TSPEAR: variants seen among roughly 807,000 people sequenced by gnomAD.
TSPEAR encodes thrombospondin type laminin G domain and EAR repeats.
A neutral mutation model predicts 71.6 loss-of-function variants in TSPEAR; 69 were observed. The ratio of observed to expected loss-of-function variants is 0.96; its 90% CI spans 0.79 to 1.18. The LOEUF (loss-of-function observed/expected upper bound fraction) is 1.18. TSPEAR is among the 50% of genes most tolerant of loss of function. The pLI is 0.00. For synonymous variants in TSPEAR, 402 were observed against 387.2 expected (o/e 1.04, Z -0.45); for missense variants, 971 against 894.9 (o/e 1.09, Z -1.09).
At chr21:44,657,321 C>A (rs948421311) in intron 1 of TSPEAR, among the ~76,000 whole-genome samples, 27 of 152,172 alleles carry the variant, frequency 1.8e-4, no homozygotes, top group African/African-American at 6.3e-4. Flanking sequence ...CAAATAACTT[C>A]TTGTATAGAT....
In TSPEAR at chr21:44,593,658, C is replaced by T. The variant is rs1032265098; in HGVS notation, c.83-25653G>A. The stretch of plus-strand genomic sequence containing the variant: ...CCAGCACTAAAGTTAAAATAGAGAC[C>T]GTAAGACCCACAGAGCAGACTCTGG... On this transcript the variant is annotated intron_variant, in intron 1 of 11. Coordinates refer to ENST00000323084, the MANE Select transcript of TSPEAR (RefSeq NM_144991.3). This position sits in a 1 kb window ranked among gnomAD's most constrained non-coding sequence, Gnocchi z 5.9. Among the ~76,000 whole-genome samples, 8 of 152,168 alleles carry T rather than the reference C, an allele frequency of 5.3e-5. No homozygotes were observed. In the South Asian group the frequency reaches 1.0e-3, roughly 20 times the overall value.
Position 44,675,893 on chromosome 21 carries a change from C to A in TSPEAR, c.82+35540G>T, listed in dbSNP as rs1453774196. 4 of 738,342 alleles carry A rather than the reference C, an allele frequency of 5.4e-6. No individual in the cohort carries two copies. In the East Asian group the frequency reaches 9.8e-5, roughly 18 times the overall value. The allele number at this position is 738,342 out of a possible 1,614,324, so 45.7% of individuals were successfully genotyped here. A position where few individuals can be genotyped will look rare whatever the true frequency, so the allele number is the denominator to read the frequency against. ...TTACTCTGGCTGTACTTGAGTGGTT[C>A]TTGTGCCTACGGCGCTGGCATATGC... On this transcript the variant is annotated intron_variant, in intron 1 of 11. Coordinates refer to ENST00000323084, the MANE Select transcript of TSPEAR (RefSeq NM_144991.3).
At chr21:44,585,916 G>T (rs1246671660) in intron 1 of TSPEAR, among the ~76,000 whole-genome samples, 1 of 152,222 alleles carries the variant, frequency 6.6e-6, no homozygotes, top group Non-Finnish European at 1.5e-5. Context: ...TTGCTGAAAG[G>T]TTCTCTGCAT....
At chr21:44,630,005 C>T (rs1983166294) in intron 1 of TSPEAR, among the ~76,000 whole-genome samples, 1 of 152,118 alleles carries the variant, frequency 6.6e-6, no homozygotes, top group African/African-American at 2.4e-5. Context: ...CTTGCACAGG[C>T]TTCCTGAGTG....
rs1383313364 is a variant in TSPEAR at position 44,506,639 on chromosome 21, C to T, written c.1755-1758G>A. Among the ~76,000 whole-genome samples, 5 of 152,222 alleles carry T rather than the reference C, an allele frequency of 3.3e-5. No individual in the cohort carries two copies. Among genetic ancestry groups the T allele is most frequent in the African/African-American group, 1.2e-4 (5 of 41,456 alleles). Reference sequence around the variant, plus strand: ...TTAATGGTGGGTTATGATTTGGTTCCCATGCAGCCCGTGCCAGCTCGCTGG... The same window carrying T: ...TTAATGGTGGGTTATGATTTGGTTCTCATGCAGCCCGTGCCAGCTCGCTGG... On this transcript the variant is annotated intron_variant, in intron 10 of 11. Transcript: ENST00000323084. This position sits in a 1 kb window ranked among gnomAD's most constrained non-coding sequence, Gnocchi z 4.2.
chr21:44,638,470 G>A (rs1031097203), intron 1 of TSPEAR: 4 of 381,000 alleles, frequency 1.0e-5, no homozygotes, highest in Non-Finnish European at 2.0e-5. Context: ...TGTCCTGTCT[G>A]TGGACCCCCG....
chr21:44,647,292 C>A (rs782493673), intron 1 of TSPEAR: 3 of 1,612,096 alleles, frequency 1.9e-6, no homozygotes, highest in Non-Finnish European at 2.5e-6. Context: ...CCCTCCTCTG[C>A]CGCCCCGCAA....
At chr21:44,545,965 T>C (rs1289791896) in intron 2 of TSPEAR, among the ~76,000 whole-genome samples, 2 of 152,132 alleles carry the variant, frequency 1.3e-5, no homozygotes, top group Non-Finnish European at 2.9e-5. Flanking sequence ...AACCCCAAAG[T>C]TGGTTCTTTA....
At position 44,499,911 on chromosome 21, in the gene TSPEAR, C is replaced by T. The variant is rs1247913795; in HGVS notation, c.1882G>A (p.Ala628Thr). 33 of 1,607,972 alleles carry T rather than the reference C, an allele frequency of 2.1e-5. No individual in the cohort carries two copies. The highest frequency in any genetic ancestry group is 2.7e-5 in the Non-Finnish European group (32 of 1,178,280). Reference sequence around the variant, plus strand: ...CCGACGGTGGGGAGGCTGTGCACCGCCACGAAGCCCTCGTAGCCCTGCCAC... The same window carrying T: ...CCGACGGTGGGGAGGCTGTGCACCGTCACGAAGCCCTCGTAGCCCTGCCAC... ...YRWQGYEGFV[A>T]VHSLPTVGCR... is the part of the protein sequence containing the mutation. The change falls in exon 12 of 12, where the codon GCG (alanine) becomes ACG (threonine). Residue 628 changes from alanine (A) to threonine (T), a missense_variant. Physicochemically the swap from Ala to Thr is moderately conservative, Grantham distance 58. Transcript: ENST00000323084.
chr21:44,592,511 G>A (rs375852142), intron 1 of TSPEAR: 150 of 1,588,844 alleles, frequency 9.4e-5, no homozygotes, highest in Non-Finnish European at 1.2e-4. Flanking sequence ...TGGAGGGTGA[G>A]GGAGTGAGCC....
intron 1 of TSPEAR, among the ~76,000 whole-genome samples, chr21:44,590,721 T>C (rs114521859): frequency 6.6e-6 from 1 of 152,034 alleles, no homozygotes; most frequent in Non-Finnish European, 1.5e-5. Context: ...GCTACCCCAG[T>C]CCTGGGGGGC....
At chr21:44,524,860 T>C (rs1392045028) in intron 8 of TSPEAR, among the ~76,000 whole-genome samples, 4 of 150,520 alleles carry the variant, frequency 2.7e-5, no homozygotes, top group Admixed American at 6.6e-5. Context: ...AGTCAGCCAA[T>C]AGCCAGTCAG....
At chr21:44,680,456 T>C (rs1458392162) in intron 1 of TSPEAR, among the ~76,000 whole-genome samples, 1 of 152,182 alleles carries the variant, frequency 6.6e-6, no homozygotes, top group African/African-American at 2.4e-5. Flanking sequence ...AAGTGTAAAT[T>C]AGTACAGCCA....
chr21:44,514,479 ACATGGTGGCTG>A (rs1372319798), intron 9 of TSPEAR, among the ~76,000 whole-genome samples: 1 of 152,192 alleles, frequency 6.6e-6, no homozygotes, highest in Admixed American at 6.5e-5. Context: ...GTCCTTACTA[ACATGGTGGCTG>A]CTGCTGGCCT....
intron 1 of TSPEAR, among the ~76,000 whole-genome samples, chr21:44,625,177 C>T (rs1331358701): frequency 6.6e-6 from 1 of 152,228 alleles, no homozygotes; most frequent in Non-Finnish European, 1.5e-5. Flanking sequence ...TTTAGGCCCT[C>T]AGAGACTGAG....
At chr21:44,646,861 G>C (rs781835014) in intron 1 of TSPEAR, 1 of 1,577,484 alleles carries the variant, frequency 6.3e-7, no homozygotes, top group Non-Finnish European at 8.6e-7. Context: ...CTGCCAGCCA[G>C]CTTGCTGTGC....
In TSPEAR at chr21:44,504,761, G is replaced by A. The variant is rs182590005; in HGVS notation, c.1856+19C>T. 331 of 1,595,172 alleles carry A rather than the reference G, an allele frequency of 2.1e-4. 3 individuals carry two copies. In the East Asian group the frequency reaches 4.4e-3, roughly 21 times the overall value. On this transcript the variant is annotated intron_variant, in intron 11 of 11. Transcript: ENST00000323084. ...GGAAGCAAGGCTCTGGGAGGAGGCC[G>A]GCCTCGGCAGCTCATTACCTGTAAA...
rs1555910920 is a variant in TSPEAR at position 44,499,899 on chromosome 21, G to A, written c.1894C>T (p.Leu632Phe). Residue 632 changes from leucine (L) to phenylalanine (F), a missense_variant, in exon 12 of 12, where the codon CTC becomes TTC. Physicochemically the swap from Leu to Phe is conservative, Grantham distance 22 (BLOSUM62 0). Coordinates refer to ENST00000323084, the MANE Select transcript of TSPEAR (RefSeq NM_144991.3). ...GYEGFVAVHS[L>F]PTVGCRDWEA... ...CAGTCCCTGCAGCCGACGGTGGGGAGGCTGTGCACCGCCACGAAGCCCTCG... is the reference window on the plus strand; with the variant it reads ...CAGTCCCTGCAGCCGACGGTGGGGAAGCTGTGCACCGCCACGAAGCCCTCG... The A allele has an allele frequency of 5.6e-6, 9 of 1,608,052 alleles. No homozygotes were observed. The African/African-American group carries it at 6.7e-5, about 12-fold the overall frequency.
intron 1 of TSPEAR, among the ~76,000 whole-genome samples, chr21:44,611,138 G>A (rs1434867954): frequency 6.6e-6 from 1 of 152,162 alleles, no homozygotes; most frequent in East Asian, 1.9e-4. Flanking sequence ...TTGGGGGACT[G>A]TTGGGAAGGC....
Sources: allele counts gnomAD v4.1 joint callset (sites outside exome capture counted in the v4.1 genomes callset), GRCh38; gene constraint gnomAD v4.1.1; non-coding constraint Gnocchi (gnomAD v3.1); transcripts MANE v1.5; gene names NCBI Gene and HGNC (gene_info 2026-07-23, HGNC 2026-07-21).